TASP1: variants seen among roughly 807,000 people sequenced by gnomAD.
TASP1 encodes the protein taspase 1, also known as threonine aspartase 1.
Under a neutral mutation model 56.6 loss-of-function variants are expected in TASP1, and 16 were observed. That is an observed-to-expected ratio of 0.28 (90% CI 0.19 to 0.43). The LOEUF is 0.43. Ranked by LOEUF, TASP1 falls within the 20% of genes least tolerant of loss-of-function variation. TASP1 has a pLI of 1.00. For missense variants in TASP1, 393 were observed against 511.6 expected, an observed-to-expected ratio of 0.77 and a Z score of 2.24; for synonymous variants, 179 against 184.2, an observed-to-expected ratio of 0.97 and a Z score of 0.23.
chr20:13,272,544 A>C, the TASP1 span, among the ~76,000 whole-genome samples: 1 of 152,178 alleles, frequency 6.6e-6, no homozygotes. Context: ...AGGTGGAAAG[A>C]AGTCGGACAG....
chr20:13,204,836 G>A, the TASP1 span, among the ~76,000 whole-genome samples: 103 of 152,212 alleles, frequency 6.8e-4, no homozygotes, highest in East Asian at 0.015. Flanking sequence ...CTAGGGCCAC[G>A]TGCACCAGCC....
intron 11 of TASP1, among the ~76,000 whole-genome samples, chr20:13,454,904 A>G (rs2043770374): frequency 1.3e-5 from 2 of 152,004 alleles, no homozygotes; most frequent in Non-Finnish European, 2.9e-5. Context: ...GTCATTTTTT[A>G]CTAAATAAAG....
chr20:13,393,420 G>C, intron 13 of TASP1: 2 of 768,660 alleles, frequency 2.6e-6, no homozygotes, highest in Non-Finnish European at 4.6e-6. Flanking sequence ...CTACCGTCTG[G>C]AGAAACCTGC....
At chr20:13,293,503 CT>C in the TASP1 span, among the ~76,000 whole-genome samples, 45 of 146,374 alleles carry the variant, frequency 3.1e-4, no homozygotes, top group East Asian at 7.9e-4. Flanking sequence ...AGTCCTGAGT[CT>C]TTTTTTTTTT....
chr20:13,551,802 A>C (rs1042006405), intron 8 of TASP1, among the ~76,000 whole-genome samples: 1 of 152,212 alleles, frequency 6.6e-6, no homozygotes, highest in African/African-American at 2.4e-5. Context: ...TAAACAATAC[A>C]ACCACTTTTT....
the TASP1 span, among the ~76,000 whole-genome samples, chr20:13,365,691 A>C: frequency 6.6e-6 from 1 of 152,206 alleles, no homozygotes; most frequent in Non-Finnish European, 1.5e-5. Flanking sequence ...GGTGGGTTTG[A>C]AGAGGCACAG....
the TASP1 span, among the ~76,000 whole-genome samples, chr20:13,110,626 G>A: frequency 6.6e-6 from 1 of 152,066 alleles, no homozygotes; most frequent in Non-Finnish European, 1.5e-5. Context: ...TGGACAGCAC[G>A]CCCAACCCCC....
At chr20:13,286,060 T>C in the TASP1 span, among the ~76,000 whole-genome samples, 3 of 152,166 alleles carry the variant, frequency 2.0e-5, no homozygotes, top group African/African-American at 7.2e-5. Context: ...TTTAATAAGA[T>C]TTCTTCTGAC....
chr20:13,524,517 T>C (rs1313029479), intron 10 of TASP1, among the ~76,000 whole-genome samples: 1 of 152,176 alleles, frequency 6.6e-6, no homozygotes, highest in Non-Finnish European at 1.5e-5. Flanking sequence ...GCACTTACCC[T>C]GTACAAGGCT....
At chr20:13,599,792 A>T (rs1037037204) in intron 4 of TASP1, among the ~76,000 whole-genome samples, 33 of 126,194 alleles carry the variant, frequency 2.6e-4, no homozygotes, top group African/African-American at 9.4e-4. Context: ...TTCGTGATTT[A>T]AAAAAAAAAA....
intron 3 of TASP1, among the ~76,000 whole-genome samples, chr20:13,624,873 T>C (rs1246974810): frequency 6.6e-6 from 1 of 151,600 alleles, no homozygotes; most frequent in Non-Finnish European, 1.5e-5. Flanking sequence ...ATTGACTGCC[T>C]TTAAGCTGTT....
At chr20:13,623,416 T>G in intron 4 of TASP1, 30 bp downstream of exon 4, 1 of 1,577,678 alleles carries the variant, frequency 6.3e-7, no homozygotes, top group Non-Finnish European at 8.7e-7. Flanking sequence ...AACTCACAAA[T>G]ATTTTAAATA....
the TASP1 span, chr20:13,110,081 A>T: frequency 0.01 from 15,803 of 1,550,882 alleles, 1,233 homozygotes; most frequent in African/African-American, 0.18. Flanking sequence ...CCCTTTCATG[A>T]CTCAATTTTT....
At chr20:13,566,399 C>G (rs1251978123) in intron 7 of TASP1, among the ~76,000 whole-genome samples, 1 of 151,720 alleles carries the variant, frequency 6.6e-6, no homozygotes, top group African/African-American at 2.4e-5. Flanking sequence ...AAGCTTTATT[C>G]ATAATAGCCA....
the TASP1 span, among the ~76,000 whole-genome samples, chr20:13,182,259 C>T: frequency 9.9e-3 from 1,509 of 152,288 alleles, 15 homozygotes; most frequent in Non-Finnish European, 0.016. Flanking sequence ...TATAGATATG[C>T]TTCCACTTTT....
chr20:13,460,419 T>G (rs1015020403), intron 11 of TASP1, among the ~76,000 whole-genome samples: 1 of 152,166 alleles, frequency 6.6e-6, no homozygotes, highest in Non-Finnish European at 1.5e-5. Context: ...TCTGCATCGA[T>G]TTTCCTGATC....
At chr20:13,445,437 T>C (rs1186699168) in intron 11 of TASP1, among the ~76,000 whole-genome samples, 1 of 152,206 alleles carries the variant, frequency 6.6e-6, no homozygotes, top group East Asian at 1.9e-4. Context: ...AGGCATCTTC[T>C]TTTTCTGAAT....
chr20:13,493,140 GA>G (rs142963378), intron 10 of TASP1, among the ~76,000 whole-genome samples: 2,571 of 151,982 alleles, frequency 0.017, 80 homozygotes, highest in African/African-American at 0.057. Flanking sequence ...AAACCTTTTT[GA>G]AAAAAACTAA....
chr20:13,436,050 G>GT (rs2042990159), intron 11 of TASP1, among the ~76,000 whole-genome samples: 1 of 152,130 alleles, frequency 6.6e-6, no homozygotes, highest in Admixed American at 6.6e-5. Context: ...TTGGAAAACG[G>GT]TAAGAAGACA....
Sources: gnomAD v4.1 joint callset for allele counts (sites outside exome capture counted in the v4.1 genomes callset) on GRCh38, gnomAD v4.1.1 for gene constraint, MANE v1.5 for transcripts, NCBI Gene and HGNC (gene_info 2026-07-23, HGNC 2026-07-21) for gene names.